Variants in CYSTM1 observed in about 807,000 individuals in gnomAD.
CYSTM1 encodes cysteine rich transmembrane module containing 1, also known as cysteine-rich transmembrane module-containing protein 1.
In CYSTM1, 4 loss-of-function variants were observed where a neutral mutation model predicts 13.1. The ratio of observed to expected loss-of-function variants is 0.31; its 90% CI spans 0.15 to 0.70. The LOEUF is 0.70. Among genes scored for constraint, CYSTM1 ranks in the 30% least tolerant of loss-of-function variants. The pLI, the probability that CYSTM1 is intolerant of heterozygous loss-of-function variation, is 0.72. For missense variants in CYSTM1, 96 were observed against 121.6 expected (o/e 0.79, Z 0.99); for synonymous variants, 36 against 42.7 (o/e 0.84, Z 0.62).
At chr5:140,180,341 G>A (rs1449812541) in intron 1 of CYSTM1, among the ~76,000 whole-genome samples, 2 of 152,132 alleles carry the variant, frequency 1.3e-5, no homozygotes, top group Non-Finnish European at 2.9e-5. Context: ...TTGTTGGCCA[G>A]GTCAAGCTCT....
At chr5:140,224,213 C>T (rs1328885344) in intron 2 of CYSTM1, among the ~76,000 whole-genome samples, 1 of 152,130 alleles carries the variant, frequency 6.6e-6, no homozygotes, top group African/African-American at 2.4e-5. Context: ...AATCTCGGCT[C>T]ACCGCAACCT....
chr5:140,208,821 C>T (rs1178221248), intron 2 of CYSTM1, among the ~76,000 whole-genome samples: 3 of 152,058 alleles, frequency 2.0e-5, no homozygotes, highest in South Asian at 2.1e-4. Context: ...AGGCGGATCA[C>T]GAGGTCAGGA....
intron 2 of CYSTM1, among the ~76,000 whole-genome samples, chr5:140,222,088 C>T (rs751749453): frequency 5.3e-5 from 8 of 152,152 alleles, no homozygotes; most frequent in Non-Finnish European, 1.0e-4. Context: ...TCTTTCCTGA[C>T]CCTAGTTGAG....
intron 2 of CYSTM1, among the ~76,000 whole-genome samples, chr5:140,212,396 G>C (rs546077772): frequency 6.6e-6 from 1 of 152,144 alleles, no homozygotes; most frequent in Admixed American, 6.5e-5. Context: ...CGAACCTACT[G>C]CGCTGCCAGC....
intron 2 of CYSTM1, among the ~76,000 whole-genome samples, chr5:140,200,010 G>A (rs1390996340): frequency 1.3e-5 from 2 of 152,128 alleles, no homozygotes; most frequent in Non-Finnish European, 2.9e-5. Flanking sequence ...TGTAGATTGT[G>A]GATATTGGCC....
intron 1 of CYSTM1, among the ~76,000 whole-genome samples, chr5:140,182,552 T>G (rs1313301139): frequency 1.3e-5 from 2 of 152,060 alleles, no homozygotes; most frequent in African/African-American, 2.4e-5. Context: ...TACATTGTTC[T>G]TTCTGTGCCA....
intron 2 of CYSTM1, among the ~76,000 whole-genome samples, chr5:140,216,931 G>A (rs535921704): frequency 7.9e-5 from 12 of 152,174 alleles, no homozygotes; most frequent in African/African-American, 2.9e-4. Flanking sequence ...TCGTTCTGGG[G>A]GTTGTACCTG....
chr5:140,203,737 G>T (rs991469892), intron 2 of CYSTM1, among the ~76,000 whole-genome samples: 13 of 152,126 alleles, frequency 8.5e-5, no homozygotes, highest in African/African-American at 1.7e-4. Flanking sequence ...GAAGAAGGGG[G>T]TTTTTTATTT....
chr5:140,231,051 G>GA (rs1367554732), intron 2 of CYSTM1, among the ~76,000 whole-genome samples: 1 of 152,184 alleles, frequency 6.6e-6, no homozygotes, highest in Non-Finnish European at 1.5e-5. Context: ...AGTAATTGGT[G>GA]AAAGAGTTGA....
At chr5:140,226,149 C>T (rs1164772667) in intron 2 of CYSTM1, among the ~76,000 whole-genome samples, 1 of 149,282 alleles carries the variant, frequency 6.7e-6, no homozygotes, top group Non-Finnish European at 1.5e-5. Flanking sequence ...AAGCACTGTG[C>T]CCAGCATTTT....
chr5:140,189,723 A>C (rs1200665919), intron 1 of CYSTM1, among the ~76,000 whole-genome samples: 1 of 152,192 alleles, frequency 6.6e-6, no homozygotes, highest in Non-Finnish European at 1.5e-5. Context: ...TGGGACTATT[A>C]TAAATAAAAC....
chr5:140,194,487 C>T lies in CYSTM1; in HGVS notation c.22C>T (p.Pro8Ser). 6.2e-7 allele frequency: 1 copy of T among 1,603,568 alleles called. No homozygotes were observed. The highest frequency in any genetic ancestry group is 8.5e-7 in the Non-Finnish European group (1 of 1,177,198). Reference protein sequence around the residue: MNQENPPPYPGPGPTAPY... With the variant: MNQENPPSYPGPGPTAPY... ...CCCGATGAACCAAGAGAACCCTCCACCATATCCAGGCCCTGGTCCAACGGC... is the reference window on the plus strand; with the variant it reads ...CCCGATGAACCAAGAGAACCCTCCATCATATCCAGGCCCTGGTCCAACGGC... Residue 8 changes from proline (P) to serine (S), a missense_variant, in exon 2 of 3, where the codon CCA (proline) becomes TCA (serine). Coordinates refer to ENST00000261811, the MANE Select transcript of CYSTM1 (RefSeq NM_032412.4).
chr5:140,191,681 C>T (rs1323783457), intron 1 of CYSTM1, among the ~76,000 whole-genome samples: 5 of 152,234 alleles, frequency 3.3e-5, no homozygotes, highest in South Asian at 2.1e-4. Context: ...GAATGATCTA[C>T]GTGGTCTTGT....
chr5:140,183,219 T>G (rs559865504), intron 1 of CYSTM1, among the ~76,000 whole-genome samples: 1 of 152,194 alleles, frequency 6.6e-6, no homozygotes, highest in African/African-American at 2.4e-5. Context: ...GACCTGTCCC[T>G]TTCTAGTGTG....
intron 2 of CYSTM1, among the ~76,000 whole-genome samples, chr5:140,235,528 C>T (rs1281051298): frequency 6.6e-6 from 1 of 151,816 alleles, no homozygotes; most frequent in Non-Finnish European, 1.5e-5. Context: ...GCCTCAGCCT[C>T]CTGAGTAGCT....
At chr5:140,231,870 A>G (rs1008765654) in intron 2 of CYSTM1, among the ~76,000 whole-genome samples, 4 of 152,198 alleles carry the variant, frequency 2.6e-5, no homozygotes, top group African/African-American at 9.7e-5. Context: ...GGATTTTGGT[A>G]TTTGTCTTGT....
At chr5:140,222,783 T>C (rs1764506468) in intron 2 of CYSTM1, among the ~76,000 whole-genome samples, 1 of 152,254 alleles carries the variant, frequency 6.6e-6, no homozygotes, top group Admixed American at 6.5e-5. Context: ...GGAGAAAGCC[T>C]GTACCCTGCA....
chr5:140,212,560 G>A (rs907260479), intron 2 of CYSTM1, among the ~76,000 whole-genome samples: 1 of 152,082 alleles, frequency 6.6e-6, no homozygotes, highest in Non-Finnish European at 1.5e-5. Flanking sequence ...TCCCACCTCA[G>A]CCTCCCAAGT....
At chr5:140,207,883 T>C (rs1764316716) in intron 2 of CYSTM1, among the ~76,000 whole-genome samples, 1 of 152,234 alleles carries the variant, frequency 6.6e-6, no homozygotes, top group Non-Finnish European at 1.5e-5. Flanking sequence ...ACTATCTTGA[T>C]TTGTAATTTT....
Sources: gnomAD v4.1 joint callset for allele counts (sites outside exome capture counted in the v4.1 genomes callset) on GRCh38, gnomAD v4.1.1 for gene constraint, MANE v1.5 for transcripts, NCBI Gene and HGNC (gene_info 2026-07-23, HGNC 2026-07-21) for gene names.